Variants in KIAA0825 observed in about 807,000 individuals in gnomAD.
KIAA0825 encodes the protein uncharacterized protein KIAA0825.
In KIAA0825, 119 loss-of-function variants were observed where a neutral mutation model predicts 147.6. That is an observed-to-expected ratio of 0.81 (90% CI 0.69 to 0.94). KIAA0825 has a LOEUF of 0.94. KIAA0825 is among the 40% of genes least tolerant of loss of function. The pLI is 0.00. For synonymous variants in KIAA0825, 470 were observed against 518.1 expected, an observed-to-expected ratio of 0.91 and a Z score of 1.26; for missense variants, 1,381 against 1,472.7, an observed-to-expected ratio of 0.94 and a Z score of 1.02.
chr5:94,528,612 C>G (rs545353229), intron 3 of KIAA0825, among the ~76,000 whole-genome samples: 1 of 152,152 alleles, frequency 6.6e-6, no homozygotes, highest in Non-Finnish European at 1.5e-5. Context: ...ATCACTTCTT[C>G]TGCCTCCTAA....
chr5:94,350,615 G>T (rs545075921), intron 20 of KIAA0825, among the ~76,000 whole-genome samples: 3 of 152,278 alleles, frequency 2.0e-5, no homozygotes, highest in South Asian at 4.1e-4. Flanking sequence ...GGGATGCAGG[G>T]ATGGTTTAAC....
Position 94,473,349 on chromosome 5 carries a change from T to C in KIAA0825, c.1398A>G (p.Gln466=), listed in dbSNP as rs1562532722. The C allele has an allele frequency of 1.3e-6, 2 of 1,551,870 alleles. No individual in the cohort carries two copies. The highest frequency in any genetic ancestry group is 2.4e-5 in the East Asian group (1 of 40,920). ...SYAMNLVNVQ[Q]VWQDSHMFPE... is the part of the protein sequence containing the mutation. ...GAAACATATGGCTGTCTTGCCAAAC[T>C]TGCTGGACATTTACAAGGTTCATAG... The change falls in exon 8 of 21, where the codon CAA becomes CAG. Residue 466 remains glutamine, a synonymous_variant. Transcript: ENST00000682413.
chr5:94,173,605 A>G (rs575510504), intron 20 of KIAA0825, among the ~76,000 whole-genome samples: 6 of 152,198 alleles, frequency 3.9e-5, no homozygotes, highest in Non-Finnish European at 7.4e-5. Context: ...TTTATGGTCC[A>G]GCCTTGAAAT....
intron 7 of KIAA0825, among the ~76,000 whole-genome samples, chr5:94,475,201 C>T (rs1386237659): frequency 6.6e-6 from 1 of 152,024 alleles, no homozygotes; most frequent in African/African-American, 2.4e-5. Context: ...GACAGTAATT[C>T]CTTGGGACAC....
At position 94,497,805 on chromosome 5, in the gene KIAA0825, G is replaced by A. The variant is rs140998370; in HGVS notation, c.971-12875C>T. On this transcript the variant is annotated intron_variant, in intron 5 of 20. Transcript: ENST00000682413. ...ACTGTTTATGATTCAGTGAGTTAGCGGAGGAACCTGAGAGTTCACATTTCT... is the reference window on the plus strand; with the variant it reads ...ACTGTTTATGATTCAGTGAGTTAGCAGAGGAACCTGAGAGTTCACATTTCT... Among the ~76,000 whole-genome samples the A allele has an allele frequency of 2.8e-3, 426 of 152,300 alleles. 3 individuals carry two copies. Among genetic ancestry groups the A allele is most frequent in the South Asian group, 0.011 (54 of 4,820 alleles).
chr5:94,463,812 T>C (rs1036555617), intron 11 of KIAA0825, among the ~76,000 whole-genome samples: 4 of 151,930 alleles, frequency 2.6e-5, no homozygotes, highest in Non-Finnish European at 4.4e-5. Flanking sequence ...TTCACAAATA[T>C]CTCATAATGA....
chr5:94,457,501 C>G (rs1406659813), intron 12 of KIAA0825, among the ~76,000 whole-genome samples: 1 of 152,202 alleles, frequency 6.6e-6, no homozygotes, highest in East Asian at 1.9e-4. Flanking sequence ...AATTCCTTGC[C>G]TTTGTCCTTC....
intron 20 of KIAA0825, among the ~76,000 whole-genome samples, chr5:94,242,250 T>A (rs1775383236): frequency 6.6e-6 from 1 of 152,200 alleles, no homozygotes; most frequent in African/African-American, 2.4e-5. Context: ...GGTTCCCTTT[T>A]TCCAAAATCC....
intron 2 of KIAA0825, among the ~76,000 whole-genome samples, chr5:94,580,996 A>G (rs1387080053): frequency 1.3e-5 from 2 of 151,550 alleles, no homozygotes; most frequent in Admixed American, 1.3e-4. Context: ...AGATTTTACC[A>G]AAAACTCTGC....
intron 2 of KIAA0825, among the ~76,000 whole-genome samples, chr5:94,547,631 G>A (rs1429692850): frequency 6.6e-6 from 1 of 151,488 alleles, no homozygotes; most frequent in African/African-American, 2.4e-5. Context: ...CAGCTACTCA[G>A]GAGGCTGAGG....
chr5:94,296,323 G>A (rs549091359), intron 20 of KIAA0825, among the ~76,000 whole-genome samples: 1 of 152,232 alleles, frequency 6.6e-6, no homozygotes, highest in East Asian at 1.9e-4. Context: ...TCAAGCCAGT[G>A]GATCTTAGCT....
chr5:94,403,413 A>G (rs1050653788), intron 16 of KIAA0825, among the ~76,000 whole-genome samples, 156 bp downstream of exon 16: 7 of 152,228 alleles, frequency 4.6e-5, no homozygotes, highest in African/African-American at 1.7e-4. Flanking sequence ...CATGTGGTTC[A>G]TAGTAAAAAT....
chr5:94,371,159 T>G (rs1030596777), intron 20 of KIAA0825, among the ~76,000 whole-genome samples: 20 of 152,074 alleles, frequency 1.3e-4, no homozygotes, highest in African/African-American at 4.6e-4. Context: ...TTAAATATTC[T>G]GAATATAAAA....
intron 7 of KIAA0825, among the ~76,000 whole-genome samples, chr5:94,475,605 C>T (rs1053426019): frequency 4.6e-5 from 7 of 151,982 alleles, no homozygotes; most frequent in African/African-American, 9.7e-5. Flanking sequence ...GTCAGGAGTT[C>T]GAGACCAGCC....
chr5:94,425,323 G>T (rs1754719311), intron 14 of KIAA0825, among the ~76,000 whole-genome samples: 1 of 152,140 alleles, frequency 6.6e-6, no homozygotes, highest in African/African-American at 2.4e-5. Context: ...TGCAAGGATG[G>T]TTTAGCATAC....
intron 20 of KIAA0825, among the ~76,000 whole-genome samples, chr5:94,297,396 T>G (rs1284260624): frequency 1.3e-5 from 2 of 152,224 alleles, no homozygotes; most frequent in Non-Finnish European, 2.9e-5. Flanking sequence ...TGTTTAAAAT[T>G]TCAAAATGTA....
At chr5:94,340,509 C>T (rs78097489) in intron 20 of KIAA0825, among the ~76,000 whole-genome samples, 3,474 of 152,154 alleles carry the variant, frequency 0.023, 151 homozygotes, top group African/African-American at 0.08. Context: ...CATATTCATA[C>T]GTATTTTATA....
At chr5:94,618,217 C>A (rs1293257260) in intron 1 of KIAA0825, 2 of 152,258 alleles carry the variant, frequency 1.3e-5, no homozygotes, top group African/African-American at 4.8e-5. Context: ...CTCGGCACAA[C>A]GCCGAGTCAC....
intron 17 of KIAA0825, among the ~76,000 whole-genome samples, chr5:94,395,701 C>G (rs1300341449): frequency 1.3e-5 from 2 of 152,044 alleles, no homozygotes; most frequent in African/African-American, 4.8e-5. Context: ...CAATAAAAAG[C>G]CTTTTATATC....
Sources: allele counts gnomAD v4.1 joint callset (sites outside exome capture counted in the v4.1 genomes callset), GRCh38; gene constraint gnomAD v4.1.1; transcripts MANE v1.5; gene names NCBI Gene and HGNC (gene_info 2026-07-23, HGNC 2026-07-21).